EPHA3: variants seen among roughly 807,000 people sequenced by gnomAD.
EPHA3 encodes ephrin type-A receptor 3.
EPHA3 carries 42 observed loss-of-function variants against 107.1 expected under a neutral mutation model. The observed-to-expected ratio is 0.39, with a 90% CI of 0.31 to 0.51. The LOEUF is 0.51. Among genes scored for constraint, EPHA3 ranks in the 20% least tolerant of loss-of-function variants. The pLI is 0.78. For missense variants in EPHA3, 1,183 were observed against 1,211.2 expected (o/e 0.98, Z 0.35); for synonymous variants, 461 against 424.8 (o/e 1.09, Z -1.05).
At chr3:89,421,331 TGAAG>T (rs940472459) in intron 11 of EPHA3, among the ~76,000 whole-genome samples, 7 of 150,674 alleles carry the variant, frequency 4.6e-5, no homozygotes, top group African/African-American at 7.3e-5. Flanking sequence ...AAAATATTGA[TGAAG>T]GAAGGAAGGA....
intron 3 of EPHA3, among the ~76,000 whole-genome samples, chr3:89,255,923 TAAA>T (rs1343394588): frequency 6.7e-6 from 1 of 150,262 alleles, no homozygotes; most frequent in Non-Finnish European, 1.5e-5. Context: ...AATAAATAAA[TAAA>T]TAAAAATAAA....
At chr3:89,336,464 G>A (rs927522747) in intron 3 of EPHA3, among the ~76,000 whole-genome samples, 2 of 152,096 alleles carry the variant, frequency 1.3e-5, no homozygotes, top group Non-Finnish European at 2.9e-5. Flanking sequence ...GAGAGAGATT[G>A]CTTATTGATG....
At chr3:89,356,052 C>T (rs1363168826) in intron 5 of EPHA3, among the ~76,000 whole-genome samples, 1 of 132,770 alleles carries the variant, frequency 7.5e-6, no homozygotes. Context: ...TCTCATTGTT[C>T]AATTCTCACC....
rs144772526 is a variant in EPHA3 at position 89,351,969 on chromosome 3, T to C, written c.1306+9879T>C. Among the ~76,000 whole-genome samples, 74 of 150,286 alleles carry C rather than the reference T, an allele frequency of 4.9e-4. 4 individuals carry two copies. The Middle Eastern group carries it at 0.01, about 21-fold the overall frequency. On this transcript the variant is annotated intron_variant, in intron 5 of 16. Coordinates refer to ENST00000336596, the MANE Select transcript of EPHA3 (RefSeq NM_005233.6). The stretch of plus-strand genomic sequence containing the variant: ...GGAGAAGGAAGAAGACCAACACTTA[T>C]TGATAGGACTTTCCAGGTGCTGGAT...
intron 2 of EPHA3, among the ~76,000 whole-genome samples, chr3:89,182,166 T>C (rs1705456515): frequency 6.6e-6 from 1 of 151,964 alleles, no homozygotes; most frequent in South Asian, 2.1e-4. Context: ...AAATAAATAC[T>C]GGTTTTATAC....
chr3:89,241,494 T>C (rs1336133480), intron 3 of EPHA3, among the ~76,000 whole-genome samples: 6 of 152,210 alleles, frequency 3.9e-5, no homozygotes, highest in Non-Finnish European at 7.3e-5. Context: ...ATTTCTACTA[T>C]TGTGTATATT....
intron 13 of EPHA3, among the ~76,000 whole-genome samples, chr3:89,443,974 A>T (rs1372658051): frequency 2.6e-5 from 4 of 152,168 alleles, no homozygotes; most frequent in Non-Finnish European, 5.9e-5. Context: ...GCATGCTCAC[A>T]GGGGGAATTC....
intron 5 of EPHA3, among the ~76,000 whole-genome samples, chr3:89,370,170 G>T (rs1003689326): frequency 2.7e-5 from 4 of 150,802 alleles, no homozygotes; most frequent in African/African-American, 9.7e-5. Context: ...TATACCCAAA[G>T]GACTATAAGT....
chr3:89,110,711 T>C (rs954604599), intron 1 of EPHA3, among the ~76,000 whole-genome samples: 5 of 152,050 alleles, frequency 3.3e-5, no homozygotes, highest in African/African-American at 1.2e-4. Context: ...ATTGCTACAC[T>C]ACGTATTATT....
chr3:89,140,698 G>T (rs1479970785), intron 2 of EPHA3, among the ~76,000 whole-genome samples: 1 of 151,686 alleles, frequency 6.6e-6, no homozygotes, highest in East Asian at 1.9e-4. Flanking sequence ...TTAGGGGAAG[G>T]TTAAGTGTAA....
chr3:89,467,625 G>T (rs541678265), intron 15 of EPHA3, among the ~76,000 whole-genome samples: 2 of 152,216 alleles, frequency 1.3e-5, no homozygotes, highest in South Asian at 4.1e-4. Context: ...AGTATCTGGT[G>T]CTAATTTTTA....
intron 2 of EPHA3, among the ~76,000 whole-genome samples, chr3:89,153,474 G>A (rs768302156): frequency 6.6e-6 from 1 of 151,898 alleles, no homozygotes; most frequent in Non-Finnish European, 1.5e-5. Context: ...TATTTCTCCT[G>A]CAGTCTTCCT....
At chr3:89,454,673 A>T (rs572259001) in intron 15 of EPHA3, among the ~76,000 whole-genome samples, 1 of 152,232 alleles carries the variant, frequency 6.6e-6, no homozygotes, top group East Asian at 1.9e-4. Flanking sequence ...TTACACTTAT[A>T]AAAAAATCTC....
In EPHA3 at chr3:89,408,148, G is replaced by A. The variant is rs1427642647; in HGVS notation, c.1762+17G>A. The A allele has an allele frequency of 6.2e-7, 1 of 1,611,594 alleles. No individual in the cohort carries two copies. The highest frequency in any genetic ancestry group is 2.2e-5 in the East Asian group (1 of 44,782). ...ATGGGCATTGTAAGTTTCTAAACTT[G>A]GCTTTTTGTTTTGCTTCACCGTTTT... On this transcript the variant is annotated intron_variant, in intron 9 of 16. Transcript: ENST00000336596.
At chr3:89,436,544 A>G (rs1189613443) in intron 13 of EPHA3, among the ~76,000 whole-genome samples, 1 of 152,188 alleles carries the variant, frequency 6.6e-6, no homozygotes, top group Admixed American at 6.5e-5. Context: ...CATTTGAATC[A>G]ATGTCAGTGG....
chr3:89,473,152 G>A (rs897207581), intron 16 of EPHA3, among the ~76,000 whole-genome samples: 14 of 142,198 alleles, frequency 9.8e-5, no homozygotes, highest in African/African-American at 2.5e-4. Context: ...AGGATATCAT[G>A]CTAGAAAATG....
At chr3:89,428,648 G>A (rs984321750) in intron 11 of EPHA3, among the ~76,000 whole-genome samples, 7 of 151,950 alleles carry the variant, frequency 4.6e-5, no homozygotes, top group African/African-American at 7.2e-5. Context: ...CCCACTAAGC[G>A]GCACAAAAGA....
In EPHA3 at chr3:89,445,257, G is replaced by A. The variant is rs570436989; in HGVS notation, c.2347-3968G>A. Among the ~76,000 whole-genome samples the A allele has an allele frequency of 9.2e-5, 14 of 152,162 alleles. No homozygotes were observed. The East Asian group carries it at 2.7e-3, about 29-fold the overall frequency. Reference sequence around the variant, plus strand: ...CCGCATTCCAGACCTAACTGTCTATGGACTTCAACACTAAAATTGGGCAAA... The same window carrying A: ...CCGCATTCCAGACCTAACTGTCTATAGACTTCAACACTAAAATTGGGCAAA... On this transcript the variant is annotated intron_variant, in intron 13 of 16. Coordinates refer to ENST00000336596, the MANE Select transcript of EPHA3 (RefSeq NM_005233.6).
chr3:89,280,608 T>C (rs534883110), intron 3 of EPHA3, among the ~76,000 whole-genome samples: 2 of 152,302 alleles, frequency 1.3e-5, no homozygotes, highest in East Asian at 3.9e-4. Context: ...AATGCATCAA[T>C]GTAGTTACAA....
Sources: gnomAD v4.1 joint callset for allele counts (sites outside exome capture counted in the v4.1 genomes callset) on GRCh38, gnomAD v4.1.1 for gene constraint, MANE v1.5 for transcripts, NCBI Gene and HGNC (gene_info 2026-07-23, HGNC 2026-07-21) for gene names.